ARB2A: variants seen among roughly 807,000 people sequenced by gnomAD.
The protein encoded by ARB2A is cotranscriptional regulator ARB2A.
At chr5:93,778,604 G>A in the ARB2A span, among the ~76,000 whole-genome samples, 15 of 151,920 alleles carry the variant, frequency 9.9e-5, no homozygotes, top group African/African-American at 3.1e-4. Flanking sequence ...TAGCACTACC[G>A]ACAGACAGGC....
the ARB2A span, among the ~76,000 whole-genome samples, chr5:94,007,501 G>A: frequency 1.3e-5 from 2 of 152,112 alleles, no homozygotes; most frequent in African/African-American, 4.8e-5. Flanking sequence ...AACTGGGTGC[G>A]GTGGCTCACA....
At chr5:93,718,368 G>A in the ARB2A span, among the ~76,000 whole-genome samples, 1 of 152,040 alleles carries the variant, frequency 6.6e-6, no homozygotes, top group Non-Finnish European at 1.5e-5. Flanking sequence ...GAACCCGGGA[G>A]GCAGAGTTTG....
the ARB2A span, among the ~76,000 whole-genome samples, chr5:93,808,939 A>G: frequency 6.6e-6 from 1 of 152,172 alleles, no homozygotes; most frequent in East Asian, 1.9e-4. Context: ...AGATACTACC[A>G]AGCAAATAAG....
the ARB2A span, among the ~76,000 whole-genome samples, chr5:94,039,376 A>G: frequency 2.8e-4 from 43 of 152,314 alleles, no homozygotes; most frequent in Non-Finnish European, 5.9e-4. Flanking sequence ...TAAGGAAGCT[A>G]GCCAAAACCC....
chr5:93,858,965 A>G, the ARB2A span, among the ~76,000 whole-genome samples: 1 of 152,160 alleles, frequency 6.6e-6, no homozygotes, highest in Non-Finnish European at 1.5e-5. Flanking sequence ...AAGGAAGAGG[A>G]TAGAAGATTA....
chr5:93,799,248 T>C, the ARB2A span, among the ~76,000 whole-genome samples: 1 of 152,094 alleles, frequency 6.6e-6, no homozygotes, highest in African/African-American at 2.4e-5. Context: ...TTATTCAAGA[T>C]AATAATTTAT....
the ARB2A span, among the ~76,000 whole-genome samples, chr5:93,789,917 T>C: frequency 6.6e-6 from 1 of 152,222 alleles, no homozygotes; most frequent in Non-Finnish European, 1.5e-5. Flanking sequence ...AGATAAAATG[T>C]GAAGACCAAA....
chr5:94,103,550 A>G, the ARB2A span, among the ~76,000 whole-genome samples: 355 of 152,230 alleles, frequency 2.3e-3, 12 homozygotes, highest in East Asian at 0.066. Flanking sequence ...AGAGACTTAG[A>G]TAACCACACG....
chr5:93,867,747 G>C, the ARB2A span, among the ~76,000 whole-genome samples: 1 of 151,836 alleles, frequency 6.6e-6, no homozygotes. Context: ...GGAAAGTCTT[G>C]GTTGATGACC....
the ARB2A span, chr5:93,740,462 G>T: frequency 7.8e-6 from 9 of 1,155,058 alleles, no homozygotes; most frequent in African/African-American, 1.1e-4. Context: ...AACTTCTTTA[G>T]ACAGTGAATG....
At chr5:94,088,093 T>C in the ARB2A span, among the ~76,000 whole-genome samples, 1 of 152,218 alleles carries the variant, frequency 6.6e-6, no homozygotes, top group Non-Finnish European at 1.5e-5. Context: ...GTTCCATCTA[T>C]TTAGTGAGAA....
the ARB2A span, among the ~76,000 whole-genome samples, chr5:93,874,273 A>C: frequency 6.6e-6 from 1 of 152,174 alleles, no homozygotes; most frequent in Non-Finnish European, 1.5e-5. Flanking sequence ...TTTGTTATTC[A>C]TAACAATCCC....
the ARB2A span, among the ~76,000 whole-genome samples, chr5:93,925,793 C>T: frequency 3.3e-5 from 5 of 152,136 alleles, no homozygotes; most frequent in African/African-American, 1.2e-4. Flanking sequence ...CTATCTCTGA[C>T]GCAGTTAATA....
At chr5:94,108,336 T>G in the ARB2A span, among the ~76,000 whole-genome samples, 1 of 152,160 alleles carries the variant, frequency 6.6e-6, no homozygotes, top group African/African-American at 2.4e-5. Flanking sequence ...TCATGGCAAT[T>G]TGAACCAAAA....
chr5:93,656,393 C>T, the ARB2A span, among the ~76,000 whole-genome samples: 2 of 151,984 alleles, frequency 1.3e-5, no homozygotes, highest in Non-Finnish European at 2.9e-5. Context: ...TTGAGTGAAA[C>T]GATCATAAAA....
the ARB2A span, among the ~76,000 whole-genome samples, chr5:94,040,353 CT>C: frequency 3.6e-3 from 522 of 145,412 alleles, no homozygotes; most frequent in African/African-American, 0.011. Context: ...GCCGCCTGAA[CT>C]TTTTTTTTTT....
the ARB2A span, among the ~76,000 whole-genome samples, chr5:93,806,752 G>C: frequency 2.8e-4 from 43 of 151,980 alleles, no homozygotes; most frequent in Admixed American, 4.6e-4. Context: ...AAAGTAGAAA[G>C]AGATTTCTAT....
chr5:93,677,158 A>G, the ARB2A span, among the ~76,000 whole-genome samples: 2 of 152,230 alleles, frequency 1.3e-5, no homozygotes. Context: ...ACATATTATC[A>G]AAATGTCTAA....
chr5:93,776,395 G>A, the ARB2A span: 131 of 543,104 alleles, frequency 2.4e-4, no homozygotes, highest in Non-Finnish European at 3.8e-4. Flanking sequence ...GTAAACAGTC[G>A]GTAATTATTC....
Sources: allele counts gnomAD v4.1 joint callset (sites outside exome capture counted in the v4.1 genomes callset), GRCh38; gene constraint gnomAD v4.1.1; transcripts MANE v1.5; gene names NCBI Gene and HGNC (gene_info 2026-07-23, HGNC 2026-07-21).